ATP10B: variants seen among roughly 807,000 people sequenced by gnomAD.
ATP10B encodes phospholipid-transporting ATPase VB.
ATP10B carries 122 observed loss-of-function variants against 141.2 expected under a neutral mutation model. The observed-to-expected ratio is 0.86, with a 90% CI of 0.75 to 1.00. ATP10B has a LOEUF of 1.00. Ranked by LOEUF, ATP10B falls within the 50% of genes least tolerant of loss-of-function variation. The probability of loss-of-function intolerance (pLI) is 0.00; values close to 1 mark genes in which losing one functional copy is unlikely to be tolerated. For missense variants in ATP10B, 1,876 were observed against 1,825.3 expected, an observed-to-expected ratio of 1.03 and a Z score of -0.51; for synonymous variants, 685 against 692.0, an observed-to-expected ratio of 0.99 and a Z score of 0.16.
At chr5:160,904,055 C>T in the ATP10B span, among the ~76,000 whole-genome samples, 2 of 152,148 alleles carry the variant, frequency 1.3e-5, no homozygotes, top group South Asian at 4.1e-4. Flanking sequence ...AGGGGGCTTC[C>T]TGATGAGGTT....
chr5:160,614,998 G>A (rs1757917380), intron 17 of ATP10B, among the ~76,000 whole-genome samples: 1 of 152,196 alleles, frequency 6.6e-6, no homozygotes, highest in South Asian at 2.1e-4. Context: ...TCTTGGCAAT[G>A]CCTTTCCTCC....
intron 13 of ATP10B, among the ~76,000 whole-genome samples, chr5:160,625,336 C>T (rs1758555444): frequency 6.6e-6 from 1 of 152,178 alleles, no homozygotes; most frequent in South Asian, 2.1e-4. Flanking sequence ...GTTTGTATAT[C>T]TAATCCTTAA....
chr5:160,923,334 A>G, the ATP10B span, among the ~76,000 whole-genome samples: 18 of 152,330 alleles, frequency 1.2e-4, no homozygotes, highest in Middle Eastern at 3.4e-3. Context: ...TCTGACATCT[A>G]AATAACTGGT....
chr5:160,617,929 G>A lies in ATP10B; in HGVS notation c.2461C>T (p.Arg821Trp), dbSNP rs61734667. 2,762 of 1,614,126 alleles carry A rather than the reference G, an allele frequency of 1.7e-3. 47 individuals are homozygous for A. The African/African-American group carries it at 0.033, about 19-fold the overall frequency. The change falls in exon 16 of 26, where the codon CGG (arginine) becomes TGG (tryptophan). Residue 821 changes from arginine to tryptophan, a missense_variant. Arg to Trp is a moderately radical substitution (Grantham distance 101, BLOSUM62 -3). Coordinates refer to ENST00000327245, the MANE Select transcript of ATP10B (RefSeq NM_025153.3). ...MEKKLRKIRA[R>W]TQKHLDLYAR... ...TACAAGTCTAGATGCTTTTGGGTCC[G>A]GGCTCGGATTTTTCTCAGCTTCTTT... is the stretch of plus-strand genomic sequence containing the variant.
intron 10 of ATP10B, 136 bp from the exon 11 acceptor site, chr5:160,636,445 CTG>C (rs147139408): frequency 0.013 from 10,547 of 824,176 alleles, no homozygotes; most frequent in South Asian, 0.018. Context: ...CAATGTAGCT[CTG>C]TGTGTGTGTG....
At chr5:160,690,066 A>G (rs1343506795) in intron 3 of ATP10B, among the ~76,000 whole-genome samples, 2 of 152,028 alleles carry the variant, frequency 1.3e-5, no homozygotes, top group Non-Finnish European at 1.5e-5. Context: ...ATCTACAACC[A>G]TCTGATCTTT....
intron 1 of ATP10B, among the ~76,000 whole-genome samples, chr5:160,839,533 A>G (rs895628423): frequency 6.6e-6 from 1 of 152,184 alleles, no homozygotes; most frequent in African/African-American, 2.4e-5. Context: ...AAACTTCATA[A>G]TAGCCAAAGG....
chr5:160,837,434 A>C (rs1209682038), intron 1 of ATP10B, among the ~76,000 whole-genome samples: 1 of 152,142 alleles, frequency 6.6e-6, no homozygotes, highest in African/African-American at 2.4e-5. Context: ...GAAATGAGTA[A>C]TTTCTGAAAG....
At chr5:160,874,614 G>A in the ATP10B span, among the ~76,000 whole-genome samples, 1 of 151,930 alleles carries the variant, frequency 6.6e-6, no homozygotes, top group Admixed American at 6.6e-5. Context: ...CAAACCAAAG[G>A]CAAAGAAGTT....
chr5:160,685,079 A>T, intron 6 of ATP10B: 1 of 703,642 alleles, frequency 1.4e-6, no homozygotes, highest in Non-Finnish European at 2.6e-6. Flanking sequence ...AACACGGTGT[A>T]CTTGCTGGTC....
At chr5:160,875,118 T>C in the ATP10B span, among the ~76,000 whole-genome samples, 1 of 123,072 alleles carries the variant, frequency 8.1e-6, no homozygotes, top group Non-Finnish European at 1.8e-5. Context: ...GAAAAAATGT[T>C]AAGGGCAGCC....
intron 6 of ATP10B, among the ~76,000 whole-genome samples, chr5:160,683,480 TCAG>T (rs138427260): frequency 0.011 from 1,631 of 152,308 alleles, 27 homozygotes; most frequent in African/African-American, 0.033. Context: ...ATAAATCCTT[TCAG>T]CAGCCAGCTC....
chr5:160,760,868 T>A (rs920325489), intron 2 of ATP10B, among the ~76,000 whole-genome samples: 7 of 151,512 alleles, frequency 4.6e-5, no homozygotes, highest in Admixed American at 3.9e-4. Flanking sequence ...CAGTAGGCCC[T>A]GCCCAAGGAG....
chr5:160,808,414 A>G (rs781020926), intron 1 of ATP10B, among the ~76,000 whole-genome samples: 2 of 152,212 alleles, frequency 1.3e-5, no homozygotes, highest in East Asian at 3.9e-4. Context: ...TACCATGAGC[A>G]TGGCTTTGGT....
At chr5:160,581,685 T>A (rs1755565142) in intron 24 of ATP10B, among the ~76,000 whole-genome samples, 1 of 152,218 alleles carries the variant, frequency 6.6e-6, no homozygotes, top group Non-Finnish European at 1.5e-5. Flanking sequence ...CAGAGCTGAG[T>A]TCAAGTCCTG....
At chr5:160,772,083 G>C (rs1201062863) in intron 2 of ATP10B, among the ~76,000 whole-genome samples, 2 of 152,222 alleles carry the variant, frequency 1.3e-5, no homozygotes, top group African/African-American at 2.4e-5. Context: ...TGCAGTGAAC[G>C]TGAGAGCAGA....
intron 1 of ATP10B, among the ~76,000 whole-genome samples, chr5:160,793,137 T>C (rs1771702384): frequency 6.6e-6 from 1 of 152,222 alleles, no homozygotes; most frequent in Admixed American, 6.5e-5. Flanking sequence ...AAACCCATCA[T>C]TTTAGAAAAT....
At chr5:160,776,768 C>T (rs528592252) in intron 2 of ATP10B, among the ~76,000 whole-genome samples, 1 of 152,320 alleles carries the variant, frequency 6.6e-6, no homozygotes, top group South Asian at 2.1e-4. Context: ...ACGCTTATAA[C>T]AATATGTCCA....
At chr5:160,788,366 T>C (rs1409175334) in intron 1 of ATP10B, among the ~76,000 whole-genome samples, 10 of 152,214 alleles carry the variant, frequency 6.6e-5, no homozygotes, top group Non-Finnish European at 5.9e-5. Flanking sequence ...CAGCGGATTT[T>C]GAAAGTAGAA....
Sources: allele counts gnomAD v4.1 joint callset (sites outside exome capture counted in the v4.1 genomes callset), GRCh38; gene constraint gnomAD v4.1.1; transcripts MANE v1.5; gene names NCBI Gene and HGNC (gene_info 2026-07-23, HGNC 2026-07-21).